The following COP1 variants were observed in gnomAD, a reference collection of about 807,000 sequenced individuals.
The protein encoded by COP1 is E3 ubiquitin-protein ligase COP1.
Under a neutral mutation model 101.3 loss-of-function variants are expected in COP1, and 24 were observed. The ratio of observed to expected loss-of-function variants is 0.24; its 90% CI spans 0.17 to 0.33. The LOEUF (loss-of-function observed/expected upper bound fraction) is 0.33, where lower values mean the gene tolerates loss of function less well. Ranked by LOEUF, COP1 falls within the 10% of genes least tolerant of loss-of-function variation. The pLI is 1.00. For missense variants in COP1, 663 were observed against 906.2 expected (o/e 0.73, Z 3.45); for synonymous variants, 347 against 341.9 (o/e 1.01, Z -0.17).
At chr1:176,001,580 C>A (rs1166914257) in intron 15 of COP1, among the ~76,000 whole-genome samples, 1 of 152,168 alleles carries the variant, frequency 6.6e-6, no homozygotes, top group East Asian at 1.9e-4. Flanking sequence ...CAAGTGCCAC[C>A]AGCAAGTATT....
chr1:175,977,400 T>G (rs1268662700), intron 18 of COP1, among the ~76,000 whole-genome samples: 1 of 152,168 alleles, frequency 6.6e-6, no homozygotes, highest in Non-Finnish European at 1.5e-5. Flanking sequence ...AATGGCTTCT[T>G]TACAGCAATT....
chr1:175,950,112 T>G (rs1443433283), intron 18 of COP1, among the ~76,000 whole-genome samples: 3 of 151,994 alleles, frequency 2.0e-5, no homozygotes, highest in African/African-American at 7.3e-5. Flanking sequence ...TACTGTAACC[T>G]CAGGATTACT....
chr1:176,166,441 G>C (rs1695167951), intron 3 of COP1, among the ~76,000 whole-genome samples: 1 of 152,132 alleles, frequency 6.6e-6, no homozygotes, highest in Non-Finnish European at 1.5e-5. Context: ...GATCAAGCCT[G>C]TAAAGGCCAC....
chr1:176,200,347 C>T (rs1449789899), intron 1 of COP1, among the ~76,000 whole-genome samples: 8 of 152,150 alleles, frequency 5.3e-5, no homozygotes, highest in African/African-American at 1.9e-4. Context: ...TCTAAAAGAA[C>T]CCCCAAAACA....
At position 176,171,950 on chromosome 1, in the gene COP1, T is replaced by C. The variant is rs578012328; in HGVS notation, c.565+3960A>G. ...TCAATATTTAAGTAACAAATCACTA[T>C]GACATTTAGATTCCACCGGTTACAT... On this transcript the variant is annotated intron_variant, in intron 3 of 19. Transcript: ENST00000367669. Among the ~76,000 whole-genome samples the C allele has an allele frequency of 5.3e-5, 8 of 152,354 alleles. No individual in the cohort carries two copies. In the East Asian group the frequency reaches 1.2e-3, roughly 22 times the overall value.
At chr1:176,173,324 G>GCAAAA (rs11423450) in intron 3 of COP1, among the ~76,000 whole-genome samples, 1 of 93,704 alleles carries the variant, frequency 1.1e-5, no homozygotes, top group Non-Finnish European at 1.9e-5. Flanking sequence ...AAAACAAAAT[G>GCAAAA]AAAAAAAAAA....
At chr1:175,947,425 C>T (rs949104967) in intron 18 of COP1, 186 bp from the exon 19 acceptor site, 10 of 493,162 alleles carry the variant, frequency 2.0e-5, no homozygotes, top group African/African-American at 2.0e-4. Flanking sequence ...GGCTGGAGTG[C>T]AATGGCGCGA....
intron 15 of COP1, among the ~76,000 whole-genome samples, chr1:176,020,380 T>G (rs1332172261): frequency 6.6e-6 from 1 of 151,090 alleles, no homozygotes; most frequent in Non-Finnish European, 1.5e-5. Flanking sequence ...ACATAGATAT[T>G]AGTGGCTAAA....
chr1:176,130,321 T>C (rs1688682429), intron 8 of COP1, among the ~76,000 whole-genome samples: 1 of 151,760 alleles, frequency 6.6e-6, no homozygotes. Flanking sequence ...CAATTCCTCT[T>C]GATAATAAGT....
intron 15 of COP1, among the ~76,000 whole-genome samples, chr1:176,009,612 A>T (rs1664249512): frequency 6.6e-6 from 1 of 152,186 alleles, no homozygotes; most frequent in Non-Finnish European, 1.5e-5. Flanking sequence ...AAGAAACTGT[A>T]TTGGAGTACT....
At chr1:176,139,915 G>C (rs1690408091) in intron 6 of COP1, among the ~76,000 whole-genome samples, 1 of 151,996 alleles carries the variant, frequency 6.6e-6, no homozygotes. Flanking sequence ...ATATATCTAC[G>C]TAAGAAACCC....
intron 18 of COP1, among the ~76,000 whole-genome samples, chr1:175,979,009 CATAATT>C (rs1356468533): frequency 6.6e-6 from 1 of 152,038 alleles, no homozygotes; most frequent in African/African-American, 2.4e-5. Flanking sequence ...ATTAGGTATT[CATAATT>C]ATAACTGTTT....
At chr1:175,988,589 T>C (rs1657674188) in intron 16 of COP1, 177 bp from the exon 17 acceptor site, 1 of 513,910 alleles carries the variant, frequency 1.9e-6, no homozygotes, top group Non-Finnish European at 3.3e-6. Flanking sequence ...TCCAAGCAAT[T>C]TGGTAGGCCG....
intron 15 of COP1, among the ~76,000 whole-genome samples, chr1:176,024,159 T>C (rs554743549): frequency 6.6e-6 from 1 of 152,088 alleles, no homozygotes; most frequent in African/African-American, 2.4e-5. Context: ...CTCAGGAGGG[T>C]GAGGCACGAG....
At chr1:176,172,696 C>T (rs539153488) in intron 3 of COP1, among the ~76,000 whole-genome samples, 2 of 152,222 alleles carry the variant, frequency 1.3e-5, no homozygotes, top group Admixed American at 6.5e-5. Context: ...CAAATCATGC[C>T]GTCTTAAGCT....
chr1:176,185,174 C>T, intron 1 of COP1, among the ~76,000 whole-genome samples: 1 of 152,128 alleles, frequency 6.6e-6, no homozygotes, highest in African/African-American at 2.4e-5. Context: ...ATCATAACAA[C>T]TTATTAGCTA....
chr1:176,074,987 G>C (rs1421918225), intron 11 of COP1, among the ~76,000 whole-genome samples: 2 of 152,058 alleles, frequency 1.3e-5, no homozygotes, highest in African/African-American at 2.4e-5. Flanking sequence ...ATGCTAATAT[G>C]TTGCTCCAAA....
chr1:176,177,643 A>T (rs1318431103), intron 2 of COP1, among the ~76,000 whole-genome samples: 2 of 152,152 alleles, frequency 1.3e-5, no homozygotes, highest in Non-Finnish European at 2.9e-5. Context: ...TACAAAGGTG[A>T]TCTGTAAAAA....
chr1:176,114,776 C>T (rs902271917), intron 9 of COP1, among the ~76,000 whole-genome samples: 5 of 151,896 alleles, frequency 3.3e-5, no homozygotes, highest in East Asian at 3.9e-4. Context: ...TTTGTAGAGG[C>T]GGGGTCTCAC....
Sources: gnomAD v4.1 joint callset for allele counts (sites outside exome capture counted in the v4.1 genomes callset) on GRCh38, gnomAD v4.1.1 for gene constraint, MANE v1.5 for transcripts, NCBI Gene and HGNC (gene_info 2026-07-23, HGNC 2026-07-21) for gene names.